SLC24A2: variants seen among roughly 807,000 people sequenced by gnomAD.
The protein encoded by SLC24A2 is sodium/potassium/calcium exchanger 2.
Under a neutral mutation model 62.0 loss-of-function variants are expected in SLC24A2, and 36 were observed. The ratio of observed to expected loss-of-function variants is 0.58; its 90% CI spans 0.44 to 0.77. The LOEUF (loss-of-function observed/expected upper bound fraction) is 0.77, where lower values mean the gene tolerates loss of function less well. Ranked by LOEUF, SLC24A2 falls within the 30% of genes least tolerant of loss-of-function variation. SLC24A2 has a pLI of 0.00. For synonymous variants in SLC24A2, 358 were observed against 294.0 expected, an observed-to-expected ratio of 1.22 and a Z score of -2.23; for missense variants, 846 against 817.9, an observed-to-expected ratio of 1.03 and a Z score of -0.42.
chr9:20,135,741 T>C, the SLC24A2 span, among the ~76,000 whole-genome samples: 1 of 152,118 alleles, frequency 6.6e-6, no homozygotes, highest in Non-Finnish European at 1.5e-5. Flanking sequence ...TTTTTTAATT[T>C]TAATTTCTGA....
intron 8 of SLC24A2, among the ~76,000 whole-genome samples, chr9:19,544,209 G>T (rs973686662): frequency 1.4e-5 from 2 of 143,816 alleles, no homozygotes; most frequent in Non-Finnish European, 1.5e-5. Flanking sequence ...TTTGATCTTT[G>T]TTGGTTTAAA....
intron 5 of SLC24A2, among the ~76,000 whole-genome samples, chr9:19,594,235 G>A (rs1464402082): frequency 5.3e-5 from 8 of 152,026 alleles, no homozygotes; most frequent in Middle Eastern, 3.4e-3. Flanking sequence ...AGTGATTGCC[G>A]TGTGTTATTT....
chr9:19,998,644 A>G, the SLC24A2 span, among the ~76,000 whole-genome samples: 1 of 152,182 alleles, frequency 6.6e-6, no homozygotes, highest in Non-Finnish European at 1.5e-5. Context: ...GTGCTCCCAC[A>G]TGGGTGTGCT....
chr9:19,546,159 C>T (rs1228772847), intron 8 of SLC24A2, among the ~76,000 whole-genome samples: 2 of 152,224 alleles, frequency 1.3e-5, no homozygotes, highest in African/African-American at 2.4e-5. Flanking sequence ...TGGGAGCTGT[C>T]TCCCAGTCAG....
the SLC24A2 span, among the ~76,000 whole-genome samples, chr9:20,074,710 G>C: frequency 1.3e-5 from 2 of 151,968 alleles, no homozygotes; most frequent in African/African-American, 2.4e-5. Flanking sequence ...TCCGGTAGAA[G>C]ACACAGGTCA....
At chr9:19,842,004 A>T in the SLC24A2 span, among the ~76,000 whole-genome samples, 2 of 152,244 alleles carry the variant, frequency 1.3e-5, no homozygotes, top group Non-Finnish European at 2.9e-5. Context: ...TGCCAACAGC[A>T]GATACCAAGA....
chr9:20,246,446 C>T, the SLC24A2 span, among the ~76,000 whole-genome samples: 1 of 152,202 alleles, frequency 6.6e-6, no homozygotes, highest in Admixed American at 6.5e-5. Context: ...TAAAGCAAAG[C>T]ACCCTATAAA....
At chr9:20,299,355 A>G in the SLC24A2 span, among the ~76,000 whole-genome samples, 1 of 152,184 alleles carries the variant, frequency 6.6e-6, no homozygotes, top group African/African-American at 2.4e-5. Flanking sequence ...GCAGGTGGGA[A>G]TACACTAAGG....
At chr9:20,273,906 A>T in the SLC24A2 span, among the ~76,000 whole-genome samples, 5 of 152,182 alleles carry the variant, frequency 3.3e-5, no homozygotes, top group Admixed American at 2.6e-4. Context: ...CTCATGTTAG[A>T]TACAATTTAA....
chr9:19,675,752 G>C (rs772518470), intron 2 of SLC24A2, among the ~76,000 whole-genome samples: 5 of 152,114 alleles, frequency 3.3e-5, no homozygotes, highest in African/African-American at 1.2e-4. Context: ...GGTGAGCAGG[G>C]CTGGAAACCT....
chr9:19,863,702 C>CAAA, the SLC24A2 span, among the ~76,000 whole-genome samples: 93,777 of 151,160 alleles, frequency 0.62, 29,556 homozygotes, highest in Non-Finnish European at 0.64. Flanking sequence ...CTATGGAATA[C>CAAA]AGTGGAGCCA....
chr9:19,927,497 A>T, the SLC24A2 span: 1 of 152,240 alleles, frequency 6.6e-6, no homozygotes, highest in Admixed American at 6.5e-5. Flanking sequence ...TTGGGCCTAG[A>T]ATTGACATCT....
chr9:19,619,732 G>T, intron 3 of SLC24A2, 40 bp from the exon 4 acceptor site: 1 of 1,459,416 alleles, frequency 6.9e-7, no homozygotes, highest in Non-Finnish European at 9.6e-7. Flanking sequence ...TCTCAGGAAT[G>T]AAAGACAAGT....
chr9:20,270,455 C>T, the SLC24A2 span, among the ~76,000 whole-genome samples: 3 of 152,194 alleles, frequency 2.0e-5, no homozygotes, highest in Non-Finnish European at 4.4e-5. Flanking sequence ...GCCTCTCCAT[C>T]CTTCTTCCTC....
the SLC24A2 span, among the ~76,000 whole-genome samples, chr9:20,237,489 G>A: frequency 6.6e-6 from 1 of 152,134 alleles, no homozygotes. Flanking sequence ...GCTGTTCCTA[G>A]GGATTGCTAG....
At chr9:19,530,416 G>A (rs191751671) in intron 8 of SLC24A2, among the ~76,000 whole-genome samples, 1 of 152,100 alleles carries the variant, frequency 6.6e-6, no homozygotes, top group South Asian at 2.1e-4. Context: ...AGATGTCCTA[G>A]GAGAGTCCTC....
the SLC24A2 span, among the ~76,000 whole-genome samples, chr9:19,866,462 A>G: frequency 2.0e-5 from 3 of 152,196 alleles, no homozygotes; most frequent in Non-Finnish European, 4.4e-5. Context: ...GGGTCCATCA[A>G]CAGATGACTG....
At chr9:20,081,560 C>T in the SLC24A2 span, among the ~76,000 whole-genome samples, 3 of 151,848 alleles carry the variant, frequency 2.0e-5, no homozygotes, top group Non-Finnish European at 4.4e-5. Context: ...AGCACACCAG[C>T]ATGGCACATG....
the SLC24A2 span, among the ~76,000 whole-genome samples, chr9:20,150,954 G>C: frequency 1.3e-5 from 2 of 151,816 alleles, no homozygotes; most frequent in African/African-American, 2.4e-5. Flanking sequence ...CAGGGAATAT[G>C]TATTACTCTT....
Sources: gnomAD v4.1 joint callset for allele counts (sites outside exome capture counted in the v4.1 genomes callset) on GRCh38, gnomAD v4.1.1 for gene constraint, MANE v1.5 for transcripts, NCBI Gene and HGNC (gene_info 2026-07-23, HGNC 2026-07-21) for gene names.